Variants in CDK14 observed in about 807,000 individuals in gnomAD.
The protein encoded by CDK14 is cyclin-dependent kinase 14.
A neutral mutation model predicts 60.7 loss-of-function variants in CDK14; 34 were observed. The ratio of observed to expected loss-of-function variants is 0.56; its 90% CI spans 0.43 to 0.75. The LOEUF (loss-of-function observed/expected upper bound fraction) is 0.75. CDK14 is among the 30% of genes least tolerant of loss of function. The probability of loss-of-function intolerance (pLI) is 0.00; values close to 1 mark genes in which losing one functional copy is unlikely to be tolerated. For synonymous variants in CDK14, 197 were observed against 203.7 expected (o/e 0.97, Z 0.28); for missense variants, 482 against 564.1 (o/e 0.85, Z 1.47).
chr7:90,688,613 A>G (rs1801490162), intron 2 of CDK14, among the ~76,000 whole-genome samples: 1 of 152,212 alleles, frequency 6.6e-6, no homozygotes, highest in African/African-American at 2.4e-5. Flanking sequence ...ACTGCTGCTA[A>G]CAGATTATTA....
intron 8 of CDK14, among the ~76,000 whole-genome samples, chr7:90,929,008 G>T (rs1936593585): frequency 6.6e-6 from 1 of 152,244 alleles, no homozygotes; most frequent in Admixed American, 6.5e-5. Context: ...TGTGGGCATG[G>T]GACCCTCTGA....
At chr7:90,606,861 G>A (rs1237944050) in intron 2 of CDK14, among the ~76,000 whole-genome samples, 1 of 152,200 alleles carries the variant, frequency 6.6e-6, no homozygotes. Context: ...TATTTGGGCA[G>A]GTCGTTTAAC....
At chr7:91,149,747 A>G (rs1289171902) in intron 14 of CDK14, among the ~76,000 whole-genome samples, 1 of 152,188 alleles carries the variant, frequency 6.6e-6, no homozygotes, top group Non-Finnish European at 1.5e-5. Flanking sequence ...TGAATGCACT[A>G]ATTTCACTGT....
intron 5 of CDK14, among the ~76,000 whole-genome samples, chr7:90,800,697 G>A (rs1247259759): frequency 6.6e-6 from 1 of 152,112 alleles, no homozygotes; most frequent in Non-Finnish European, 1.5e-5. Context: ...TGCATTTCAT[G>A]TTTGGGGTGT....
At chr7:90,882,044 A>G (rs1216461866) in intron 6 of CDK14, among the ~76,000 whole-genome samples, 2 of 152,146 alleles carry the variant, frequency 1.3e-5, no homozygotes, top group African/African-American at 4.8e-5. Flanking sequence ...GTGCAAAATA[A>G]CCAAATAGCA....
chr7:90,722,153 C>T (rs938946043), intron 2 of CDK14, among the ~76,000 whole-genome samples: 5 of 151,646 alleles, frequency 3.3e-5, no homozygotes, highest in Non-Finnish European at 5.9e-5. Context: ...CCTCTTCCCC[C>T]TTTTCCATTT....
chr7:90,906,561 G>A (rs907474679), intron 7 of CDK14, among the ~76,000 whole-genome samples: 2 of 152,058 alleles, frequency 1.3e-5, no homozygotes, highest in African/African-American at 4.8e-5. Flanking sequence ...TCTGCAGCAT[G>A]ACAGTATATA....
intron 8 of CDK14, among the ~76,000 whole-genome samples, chr7:90,924,110 T>G (rs1355434338): frequency 6.6e-6 from 1 of 152,208 alleles, no homozygotes; most frequent in African/African-American, 2.4e-5. Context: ...ATAAAAAAAT[T>G]ATGTCTTATA....
At chr7:91,094,742 T>A (rs1352049155) in intron 12 of CDK14, among the ~76,000 whole-genome samples, 1 of 152,056 alleles carries the variant, frequency 6.6e-6, no homozygotes, top group Non-Finnish European at 1.5e-5. Flanking sequence ...TGAAGAAAAA[T>A]CTCAGCGATC....
chr7:90,794,345 C>T (rs909746192), intron 5 of CDK14, among the ~76,000 whole-genome samples: 10 of 152,190 alleles, frequency 6.6e-5, no homozygotes, highest in South Asian at 2.1e-4. Flanking sequence ...AGCAGACAAC[C>T]GGTCTGACCA....
intron 2 of CDK14, among the ~76,000 whole-genome samples, chr7:90,689,945 A>C (rs940865592): frequency 1.3e-5 from 2 of 151,478 alleles, no homozygotes; most frequent in South Asian, 4.2e-4. Flanking sequence ...CTTTGAGAAA[A>C]TTTTTATAGA....
intron 11 of CDK14, among the ~76,000 whole-genome samples, chr7:91,059,468 G>T (rs1158873273): frequency 6.6e-6 from 1 of 152,036 alleles, no homozygotes; most frequent in Non-Finnish European, 1.5e-5. Flanking sequence ...GCTTGCTCTT[G>T]CTTCTCTAGT....
chr7:90,937,391 T>C (rs1015954394), intron 8 of CDK14, among the ~76,000 whole-genome samples: 17 of 152,370 alleles, frequency 1.1e-4, no homozygotes, highest in African/African-American at 4.1e-4. Flanking sequence ...TACAATTTGA[T>C]GAATTTGGTA....
intron 6 of CDK14, among the ~76,000 whole-genome samples, chr7:90,879,779 TA>T (rs61468348): frequency 4.5e-4 from 64 of 143,620 alleles, no homozygotes; most frequent in East Asian, 3.3e-3. Flanking sequence ...GCTGCTATTG[TA>T]AAAAAAAAAA....
intron 12 of CDK14, among the ~76,000 whole-genome samples, chr7:91,091,813 CTTTCA>C (rs1584045486): frequency 6.6e-6 from 1 of 150,700 alleles, no homozygotes; most frequent in Non-Finnish European, 1.5e-5. Flanking sequence ...TTTTTTCTCT[CTTTCA>C]TTTCTTTAAA....
chr7:91,042,992 GCCCACTT>G (rs948942652), intron 10 of CDK14, among the ~76,000 whole-genome samples: 11 of 152,176 alleles, frequency 7.2e-5, no homozygotes, highest in Admixed American at 2.6e-4. Context: ...CTTTTCCTTT[GCCCACTT>G]TCTGCCCACT....
At chr7:91,083,792 C>G (rs1798549538) in intron 12 of CDK14, among the ~76,000 whole-genome samples, 1 of 152,142 alleles carries the variant, frequency 6.6e-6, no homozygotes, top group Non-Finnish European at 1.5e-5. Context: ...CAATAAAGAT[C>G]TGTCCAAAGA....
intron 8 of CDK14, among the ~76,000 whole-genome samples, chr7:90,950,045 A>G (rs1414419899): frequency 6.6e-6 from 1 of 152,228 alleles, no homozygotes; most frequent in African/African-American, 2.4e-5. Context: ...TGTTACTGTT[A>G]TTCGCATTGA....
In CDK14 at chr7:90,738,897, C is replaced by CTTTT. The variant is rs10640762; in HGVS notation, c.370-8777_370-8774dup. Among the ~76,000 whole-genome samples, 362 of 150,580 alleles carry CTTTT rather than the reference C, an allele frequency of 2.4e-3. 2 individuals carry two copies. Among genetic ancestry groups the CTTTT allele is most frequent in the Admixed American group, 7.2e-3 (109 of 15,116 alleles). ...CAAAAATCTCTCCTTCTGAATTATTCTTTTTTTTTTACTTATTTGATGGGA... is the reference window on the plus strand; with the variant it reads ...CAAAAATCTCTCCTTCTGAATTATTCTTTTTTTTTTTTTTACTTATTTGATGGGA... On this transcript the variant is annotated intron_variant, in intron 3 of 14. Coordinates refer to ENST00000380050, the MANE Select transcript of CDK14 (RefSeq NM_001287135.2).
Sources: gnomAD v4.1 joint callset for allele counts (sites outside exome capture counted in the v4.1 genomes callset) on GRCh38, gnomAD v4.1.1 for gene constraint, MANE v1.5 for transcripts, NCBI Gene and HGNC (gene_info 2026-07-23, HGNC 2026-07-21) for gene names.